Variants in GRID2 observed in about 807,000 individuals in gnomAD.
GRID2 encodes glutamate ionotropic receptor delta type subunit 2.
GRID2 carries 33 observed loss-of-function variants against 114.8 expected under a neutral mutation model. The ratio of observed to expected loss-of-function variants is 0.29; its 90% CI spans 0.22 to 0.38. GRID2 has a LOEUF of 0.38. GRID2 is among the 10% of genes least tolerant of loss of function. GRID2 has a pLI of 1.00. For missense variants in GRID2, 1,184 were observed against 1,257.7 expected (o/e 0.94, Z 0.89); for synonymous variants, 505 against 449.9 (o/e 1.12, Z -1.55).
chr4:92,962,229 T>G (rs1000914351), intron 2 of GRID2, among the ~76,000 whole-genome samples: 10 of 151,958 alleles, frequency 6.6e-5, no homozygotes, highest in Non-Finnish European at 1.5e-4. Context: ...TAGTATGCCT[T>G]GTTTTTTTAA....
chr4:92,900,293 A>G (rs1747473563), intron 2 of GRID2, among the ~76,000 whole-genome samples: 1 of 152,144 alleles, frequency 6.6e-6, no homozygotes, highest in Non-Finnish European at 1.5e-5. Context: ...TTTAGGGGGT[A>G]CGAGTGCAGT....
intron 2 of GRID2, among the ~76,000 whole-genome samples, chr4:92,903,263 A>T (rs1747708941): frequency 6.6e-6 from 1 of 151,784 alleles, no homozygotes; most frequent in African/African-American, 2.4e-5. Flanking sequence ...ACAACATTTT[A>T]AATGAATAAA....
chr4:92,923,223 A>T (rs1749511969), intron 2 of GRID2, among the ~76,000 whole-genome samples: 1 of 152,184 alleles, frequency 6.6e-6, no homozygotes, highest in Admixed American at 6.6e-5. Context: ...CAGGAAATTG[A>T]AGTATATACT....
At chr4:93,296,085 T>C (rs1754278463) in intron 8 of GRID2, among the ~76,000 whole-genome samples, 1 of 152,188 alleles carries the variant, frequency 6.6e-6, no homozygotes, top group Admixed American at 6.5e-5. Flanking sequence ...ATACTGGGGT[T>C]TCACTAGGTT....
chr4:92,880,630 T>C (rs1313365323), intron 2 of GRID2, among the ~76,000 whole-genome samples: 1 of 152,204 alleles, frequency 6.6e-6, no homozygotes, highest in Non-Finnish European at 1.5e-5. Context: ...CCAATTAGTA[T>C]CTATATATTC....
intron 2 of GRID2, among the ~76,000 whole-genome samples, chr4:92,752,647 A>C (rs1737508654): frequency 1.3e-5 from 2 of 152,188 alleles, no homozygotes; most frequent in Admixed American, 1.3e-4. Context: ...CCTCTGATAA[A>C]TAGTACAGAT....
chr4:93,545,959 A>G (rs1199975432), intron 13 of GRID2, among the ~76,000 whole-genome samples: 1 of 152,200 alleles, frequency 6.6e-6, no homozygotes, highest in Non-Finnish European at 1.5e-5. Flanking sequence ...GTTTTTAAAA[A>G]GGCAAGAAAG....
intron 1 of GRID2, among the ~76,000 whole-genome samples, chr4:92,531,945 C>G (rs576625458): frequency 1.3e-5 from 2 of 152,186 alleles, no homozygotes; most frequent in South Asian, 4.1e-4. Flanking sequence ...TAGCAAATAT[C>G]TTTCCAAGAT....
chr4:93,145,726 C>G (rs951254752), intron 4 of GRID2, among the ~76,000 whole-genome samples: 12 of 136,036 alleles, frequency 8.8e-5, no homozygotes, highest in African/African-American at 3.3e-4. Context: ...GAACTCCTGA[C>G]CTCAAGTGAA....
intron 1 of GRID2, among the ~76,000 whole-genome samples, chr4:92,584,537 T>C (rs941691123): frequency 2.0e-5 from 3 of 152,068 alleles, no homozygotes; most frequent in Middle Eastern, 6.8e-3. Context: ...CTTCCTAAAC[T>C]AAAGTTTTTG....
chr4:93,082,752 A>T (rs192626894), intron 2 of GRID2, among the ~76,000 whole-genome samples: 2 of 152,200 alleles, frequency 1.3e-5, no homozygotes, highest in Admixed American at 1.3e-4. Context: ...GAATAGCACG[A>T]TAGGCAATAC....
intron 12 of GRID2, among the ~76,000 whole-genome samples, chr4:93,506,796 G>A (rs535712528): frequency 6.6e-6 from 1 of 152,008 alleles, no homozygotes; most frequent in African/African-American, 2.4e-5. Flanking sequence ...GCCTTGCCTG[G>A]TATCATTCTA....
At chr4:92,313,056 A>G (rs1475525661) in intron 1 of GRID2, among the ~76,000 whole-genome samples, 2 of 150,550 alleles carry the variant, frequency 1.3e-5, no homozygotes, top group African/African-American at 4.9e-5. Context: ...CCTGTCAAAG[A>G]ATGAGTGGAT....
At chr4:92,421,129 T>C (rs139960628) in intron 1 of GRID2, among the ~76,000 whole-genome samples, 14 of 152,274 alleles carry the variant, frequency 9.2e-5, no homozygotes, top group African/African-American at 2.9e-4. Flanking sequence ...ACCTTTTACA[T>C]GATCAGCTCT....
intron 13 of GRID2, among the ~76,000 whole-genome samples, chr4:93,599,489 G>A (rs1560801315): frequency 6.6e-6 from 1 of 152,128 alleles, no homozygotes; most frequent in Non-Finnish European, 1.5e-5. Context: ...GAAACTTTCT[G>A]TAATTTTCTC....
chr4:92,611,086 A>G (rs13120902), intron 2 of GRID2, among the ~76,000 whole-genome samples: 2 of 135,192 alleles, frequency 1.5e-5, no homozygotes, highest in Non-Finnish European at 3.4e-5. Context: ...ATATGTGTGT[A>G]TATATATGTG....
chr4:92,695,243 G>A (rs1734371052), intron 2 of GRID2, among the ~76,000 whole-genome samples: 1 of 151,938 alleles, frequency 6.6e-6, no homozygotes, highest in African/African-American at 2.4e-5. Flanking sequence ...TTGGATTACA[G>A]GTGTAAGCCA....
intron 1 of GRID2, among the ~76,000 whole-genome samples, chr4:92,578,083 CTT>C (rs2149199524): frequency 1.8e-5 from 1 of 54,310 alleles, no homozygotes; most frequent in Admixed American, 1.8e-4. Context: ...TCTTCTTCTT[CTT>C]CTTCTTCTTC....
intron 1 of GRID2, among the ~76,000 whole-genome samples, chr4:92,575,611 C>T (rs1727849400): frequency 6.6e-6 from 1 of 152,120 alleles, no homozygotes; most frequent in South Asian, 2.1e-4. Flanking sequence ...CTGGAGGTAT[C>T]AACAGTAAAG....
Sources: allele counts gnomAD v4.1 joint callset (sites outside exome capture counted in the v4.1 genomes callset), GRCh38; gene constraint gnomAD v4.1.1; transcripts MANE v1.5; gene names NCBI Gene and HGNC (gene_info 2026-07-23, HGNC 2026-07-21).